OLA1: variants seen among roughly 807,000 people sequenced by gnomAD.
OLA1 encodes obg-like ATPase 1.
A neutral mutation model predicts 48.4 loss-of-function variants in OLA1; 14 were observed. The observed-to-expected ratio is 0.29, with a 90% CI of 0.19 to 0.45. The LOEUF (loss-of-function observed/expected upper bound fraction) is 0.45. Ranked by LOEUF, OLA1 falls within the 20% of genes least tolerant of loss-of-function variation. The pLI is 1.00. For missense variants in OLA1, 325 were observed against 467.1 expected (o/e 0.70, Z 2.80); for synonymous variants, 127 against 150.4 (o/e 0.84, Z 1.14).
intron 3 of OLA1, 71 bp from the exon 4 acceptor site, chr2:174,223,231 A>G: frequency 7.2e-7 from 1 of 1,393,776 alleles, no homozygotes; most frequent in Non-Finnish European, 1.0e-6. Context: ...TGAATTCTCC[A>G]AACATTTCAC....
At chr2:174,229,566 A>C (rs898401256) in intron 2 of OLA1, 115 bp from the exon 3 acceptor site, 8 of 703,200 alleles carry the variant, frequency 1.1e-5, no homozygotes, top group South Asian at 2.0e-5. Flanking sequence ...ACCAATCTAC[A>C]AAGAGAGGGA....
chr2:174,176,351 CA>C (rs1687419236), intron 4 of OLA1, among the ~76,000 whole-genome samples: 1 of 151,980 alleles, frequency 6.6e-6, no homozygotes, highest in Admixed American at 6.6e-5. Flanking sequence ...GGGAGAATAG[CA>C]GTTTATAATA....
chr2:174,222,298 G>A (rs1169594313), intron 4 of OLA1, among the ~76,000 whole-genome samples: 1 of 152,082 alleles, frequency 6.6e-6, no homozygotes, highest in Non-Finnish European at 1.5e-5. Flanking sequence ...CTTACTCTCA[G>A]TTACTATAGT....
At chr2:174,229,044 A>T (rs1559016313) in intron 3 of OLA1, among the ~76,000 whole-genome samples, 1 of 151,966 alleles carries the variant, frequency 6.6e-6, no homozygotes, top group East Asian at 1.9e-4. Flanking sequence ...ACCCAGCTAA[A>T]TTTTGTATTT....
chr2:174,188,567 A>G (rs1687707727), intron 4 of OLA1, among the ~76,000 whole-genome samples: 1 of 152,110 alleles, frequency 6.6e-6, no homozygotes, highest in African/African-American at 2.4e-5. Flanking sequence ...ATGACATGTT[A>G]TATTTACTGT....
At chr2:174,078,753 AACT>A (rs1414738974) in intron 10 of OLA1, among the ~76,000 whole-genome samples, 1 of 152,062 alleles carries the variant, frequency 6.6e-6, no homozygotes, top group South Asian at 2.1e-4. Flanking sequence ...ACCTCCACAA[AACT>A]ACTGACAATT....
chr2:174,198,737 C>T (rs940748523), intron 4 of OLA1, among the ~76,000 whole-genome samples: 4 of 152,196 alleles, frequency 2.6e-5, no homozygotes, highest in African/African-American at 9.6e-5. Flanking sequence ...GCCAAGATCA[C>T]ACCACTACAC....
At chr2:174,218,757 C>T (rs1559010954) in intron 4 of OLA1, among the ~76,000 whole-genome samples, 1 of 152,208 alleles carries the variant, frequency 6.6e-6, no homozygotes, top group Middle Eastern at 3.4e-3. Flanking sequence ...AGGCAGCAAA[C>T]CCCAGGGGTG....
At chr2:174,153,394 A>G (rs1251979152) in intron 4 of OLA1, among the ~76,000 whole-genome samples, 1 of 152,208 alleles carries the variant, frequency 6.6e-6, no homozygotes, top group Non-Finnish European at 1.5e-5. Context: ...AAGATGAGAT[A>G]AAGAGAAAGC....
At chr2:174,139,625 G>C (rs968899518) in intron 5 of OLA1, among the ~76,000 whole-genome samples, 1 of 152,238 alleles carries the variant, frequency 6.6e-6, no homozygotes, top group Admixed American at 6.5e-5. Context: ...CCAGCACTTC[G>C]GGAGGCCGAG....
intron 4 of OLA1, among the ~76,000 whole-genome samples, chr2:174,174,035 C>CAAAAAA (rs112671944): frequency 7.4e-6 from 1 of 135,602 alleles, no homozygotes; most frequent in African/African-American, 2.7e-5. Context: ...CACACACACA[C>CAAAAAA]AAAAAAAAAA....
intron 5 of OLA1, among the ~76,000 whole-genome samples, chr2:174,127,387 A>G (rs952387417): frequency 1.3e-5 from 2 of 152,208 alleles, no homozygotes; most frequent in Non-Finnish European, 2.9e-5. Context: ...TCTTATTTTA[A>G]TTATTTGGGT....
At chr2:174,107,753 G>C (rs1685548964) in intron 7 of OLA1, among the ~76,000 whole-genome samples, 3 of 152,034 alleles carry the variant, frequency 2.0e-5, no homozygotes, top group Admixed American at 2.0e-4. Flanking sequence ...TCAGCTGATA[G>C]AATATACTAT....
At chr2:174,204,913 T>C (rs1688074604) in intron 4 of OLA1, among the ~76,000 whole-genome samples, 2 of 152,172 alleles carry the variant, frequency 1.3e-5, no homozygotes, top group South Asian at 4.1e-4. Context: ...CATAGGTTCC[T>C]AGGAGAATCA....
chr2:174,227,094 T>A (rs1444281265), intron 3 of OLA1, among the ~76,000 whole-genome samples: 30 of 144,078 alleles, frequency 2.1e-4, no homozygotes, highest in Non-Finnish European at 1.1e-4. Flanking sequence ...ATTCTGTCTT[T>A]AAAAAAAAAA....
intron 4 of OLA1, among the ~76,000 whole-genome samples, chr2:174,175,633 C>A (rs185937127): frequency 6.6e-6 from 1 of 151,992 alleles, no homozygotes; most frequent in African/African-American, 2.4e-5. Context: ...CAAAATGTTA[C>A]AGTCACTTTG....
intron 4 of OLA1, among the ~76,000 whole-genome samples, chr2:174,154,963 TCTTA>T (rs1240369352): frequency 2.0e-5 from 3 of 152,174 alleles, no homozygotes; most frequent in Non-Finnish European, 4.4e-5. Context: ...TATTCTTCCT[TCTTA>T]CTTCTGCCTT....
chr2:174,107,322 G>A (rs76534335), intron 7 of OLA1, among the ~76,000 whole-genome samples: 15 of 152,198 alleles, frequency 9.9e-5, no homozygotes, highest in Middle Eastern at 3.4e-3. Context: ...GGACGTCCAC[G>A]CTCTATTAGC....
chr2:174,119,261 C>T (rs914021648), intron 7 of OLA1, among the ~76,000 whole-genome samples: 70 of 151,870 alleles, frequency 4.6e-4, no homozygotes, highest in Non-Finnish European at 1.2e-4. Context: ...AATTCATTCA[C>T]CAAAAAATTA....
Sources: gnomAD v4.1 joint callset for allele counts (sites outside exome capture counted in the v4.1 genomes callset) on GRCh38, gnomAD v4.1.1 for gene constraint, MANE v1.5 for transcripts, NCBI Gene and HGNC (gene_info 2026-07-23, HGNC 2026-07-21) for gene names.